Variants in WDR88 observed in about 807,000 individuals in gnomAD.
WDR88 encodes the protein WD repeat domain 88, also known as WD repeat-containing protein 88.
A neutral mutation model predicts 46.8 loss-of-function variants in WDR88; 40 were observed. The ratio of observed to expected loss-of-function variants is 0.86; its 90% CI spans 0.66 to 1.11. The LOEUF is 1.11. Among genes scored for constraint, WDR88 ranks in the 50% most tolerant of loss-of-function variants. The pLI is 0.00. For synonymous variants in WDR88, 235 were observed against 240.7 expected, an observed-to-expected ratio of 0.98 and a Z score of 0.22; for missense variants, 562 against 602.4, an observed-to-expected ratio of 0.93 and a Z score of 0.70.
At chr19:33,160,521 A>T in intron 8 of WDR88, 25 bp downstream of exon 8, 1 of 1,613,156 alleles carries the variant, frequency 6.2e-7, no homozygotes, top group Non-Finnish European at 8.5e-7. Flanking sequence ...CATGAGATTG[A>T]GGATCTGAAC....
intron 1 of WDR88, among the ~76,000 whole-genome samples, chr19:33,136,124 C>T (rs1037957787): frequency 3.3e-5 from 5 of 151,474 alleles, no homozygotes; most frequent in East Asian, 2.0e-4. Context: ...GGCACGACCT[C>T]GGCTCACTGC....
chr19:33,167,709 CTTCA>C (rs1568371408), intron 9 of WDR88, among the ~76,000 whole-genome samples: 1 of 151,012 alleles, frequency 6.6e-6, no homozygotes, highest in Non-Finnish European at 1.5e-5. Flanking sequence ...TTCTTCCTTC[CTTCA>C]ATCCTTCCTT....
At chr19:33,161,951 C>A (rs373514940) in intron 8 of WDR88, among the ~76,000 whole-genome samples, 2 of 152,184 alleles carry the variant, frequency 1.3e-5, no homozygotes, top group South Asian at 2.1e-4. Flanking sequence ...GGTGACAGAG[C>A]CGGTTGTTCT....
At position 33,148,885 on chromosome 19, in the gene WDR88, C is replaced by T; in HGVS notation, c.654C>T (p.Asn218=). Residue 218 remains asparagine, a synonymous_variant, in exon 5 of 11, where the codon AAC becomes AAT. Transcript: ENST00000355868. ...GAATCTGCATAATGGACGCCGAGAA[C>T]ATCACCACCGTTTCCGTCATCAAAG... is the stretch of plus-strand genomic sequence containing the variant. ...DHGICIMDAE[N]ITTVSVIKDH... is the part of the protein sequence containing the mutation. The T allele has an allele frequency of 6.2e-7, 1 of 1,614,152 alleles. No homozygotes were observed. Among genetic ancestry groups the T allele is most frequent in the East Asian group, 2.2e-5 (1 of 44,876 alleles).
At position 33,137,807 on chromosome 19, in the gene WDR88, G is replaced by T. The variant is rs1165176113; in HGVS notation, c.387+20G>T. 6.2e-7 allele frequency: 1 copy of T among 1,606,898 alleles called. No homozygotes were observed. Among genetic ancestry groups the T allele is most frequent in the Admixed American group, 1.7e-5 (1 of 59,580 alleles). On this transcript the variant is annotated intron_variant, in intron 2 of 10. Coordinates refer to ENST00000355868, the MANE Select transcript of WDR88 (RefSeq NM_173479.4). ...CTGTGGGTAGGTGGCCGGCTGTTAG[G>T]TACTCCTGGAGCGAAAACCTTTCCT...
intron 2 of WDR88, among the ~76,000 whole-genome samples, chr19:33,143,224 A>G (rs76250366): frequency 0.11 from 15,918 of 150,912 alleles, 1,582 homozygotes; most frequent in African/African-American, 0.26. Flanking sequence ...AGTCCCAGCT[A>G]CTCGGGAAGT....
intron 2 of WDR88, chr19:33,142,684 A>C (rs1440714044): frequency 1.3e-5 from 2 of 151,690 alleles, no homozygotes; most frequent in Non-Finnish European, 2.9e-5. Flanking sequence ...CACAGACAGC[A>C]GTCCCGGGGG....
At chr19:33,157,651 A>T (rs1568367528) in intron 7 of WDR88, among the ~76,000 whole-genome samples, 1 of 130,708 alleles carries the variant, frequency 7.7e-6, no homozygotes, top group Non-Finnish European at 1.6e-5. Context: ...GTGTGTGTGT[A>T]TGTATATATG....
chr19:33,164,080 C>T (rs913392695), intron 8 of WDR88, 117 bp from the exon 9 acceptor site: 2 of 866,534 alleles, frequency 2.3e-6, no homozygotes, highest in Non-Finnish European at 3.8e-6. Flanking sequence ...GGTGACCCTC[C>T]CGACTCGGCT....
intron 1 of WDR88, among the ~76,000 whole-genome samples, chr19:33,137,143 A>G (rs1359941555): frequency 1.3e-5 from 2 of 149,260 alleles, no homozygotes; most frequent in African/African-American, 5.0e-5. Context: ...TTGTACAGAC[A>G]GTCTCACTAT....
intron 1 of WDR88, among the ~76,000 whole-genome samples, chr19:33,134,756 G>A (rs1486180792): frequency 2.6e-5 from 4 of 151,880 alleles, no homozygotes; most frequent in Non-Finnish European, 4.4e-5. Context: ...AACGGAGCCC[G>A]CGTTCCAGTG....
At chr19:33,137,317 A>C (rs1357640625) in intron 1 of WDR88, among the ~76,000 whole-genome samples, 1 of 149,426 alleles carries the variant, frequency 6.7e-6, no homozygotes, top group African/African-American at 2.5e-5. Flanking sequence ...GCAGTGGTGC[A>C]ATCTTGGCTC....
intron 6 of WDR88, among the ~76,000 whole-genome samples, chr19:33,154,004 A>G (rs1973686227): frequency 6.6e-6 from 1 of 152,112 alleles, no homozygotes; most frequent in Admixed American, 6.6e-5. Flanking sequence ...CAAATTTGGT[A>G]AAATTTCAGC....
intron 7 of WDR88, among the ~76,000 whole-genome samples, 185 bp from the exon 8 acceptor site, chr19:33,160,229 T>C (rs889514238): frequency 6.6e-6 from 1 of 152,086 alleles, no homozygotes; most frequent in African/African-American, 2.4e-5. Flanking sequence ...TCATAGAACA[T>C]GACTACTGTA....
At chr19:33,138,770 G>A (rs1008448962) in intron 2 of WDR88, among the ~76,000 whole-genome samples, 5 of 143,002 alleles carry the variant, frequency 3.5e-5, no homozygotes, top group Admixed American at 7.4e-5. Context: ...TACAACTTCC[G>A]CCTCTGGGTT....
intron 10 of WDR88, chr19:33,174,268 A>T (rs1358500532): frequency 2.0e-6 from 3 of 1,534,952 alleles, no homozygotes; most frequent in African/African-American, 1.4e-5. Context: ...GAGAAGCCTG[A>T]GGCCAGGCTT....
At chr19:33,150,093 C>T (rs1480721132) in intron 5 of WDR88, among the ~76,000 whole-genome samples, 1 of 152,198 alleles carries the variant, frequency 6.6e-6, no homozygotes, top group Admixed American at 6.5e-5. Flanking sequence ...TTATTCCTTA[C>T]ACCTCCATGG....
chr19:33,157,583 ATGTATATATG>A (rs1973767193), intron 7 of WDR88, among the ~76,000 whole-genome samples: 2 of 142,336 alleles, frequency 1.4e-5, no homozygotes, highest in Non-Finnish European at 3.0e-5. Flanking sequence ...GTGTATATAT[ATGTATATATG>A]TGTATATATG....
chr19:33,138,424 T>G lies in WDR88; in HGVS notation c.387+637T>G, dbSNP rs187446604. Among the ~76,000 whole-genome samples the G allele has an allele frequency of 3.5e-3, 540 of 152,288 alleles. 3 individuals carry two copies. Among genetic ancestry groups the G allele is most frequent in the African/African-American group, 0.013 (530 of 41,562 alleles). The stretch of plus-strand genomic sequence containing the variant: ...GTGCAATGGCGTGATCTCAGTTCAC[T>G]GCAACCTCTGCCTCCCGGGTTCAAG... On this transcript the variant is annotated intron_variant, in intron 2 of 10. Coordinates refer to ENST00000355868, the MANE Select transcript of WDR88 (RefSeq NM_173479.4).
Sources: allele counts gnomAD v4.1 joint callset (sites outside exome capture counted in the v4.1 genomes callset), GRCh38; gene constraint gnomAD v4.1.1; transcripts MANE v1.5; gene names NCBI Gene and HGNC (gene_info 2026-07-23, HGNC 2026-07-21).